Variants in RLIM observed in about 807,000 individuals in gnomAD.
RLIM encodes the protein ring finger protein, LIM domain interacting, also known as E3 ubiquitin-protein ligase RLIM.
Under a neutral mutation model 34.0 loss-of-function variants are expected in RLIM, and 2 were observed. That is an observed-to-expected ratio of 0.06 (90% CI 0.02 to 0.19). The LOEUF (loss-of-function observed/expected upper bound fraction) is 0.19. Among genes scored for constraint, RLIM ranks in the 10% least tolerant of loss-of-function variants. The probability of loss-of-function intolerance (pLI) is 1.00; values close to 1 mark genes in which losing one functional copy is unlikely to be tolerated. For missense variants in RLIM, 286 were observed against 479.7 expected, an observed-to-expected ratio of 0.60 and a Z score of 3.77; for synonymous variants, 169 against 164.0, an observed-to-expected ratio of 1.03 and a Z score of -0.23.
rs1184787853 is a variant in RLIM, at chrX:74,588,287, C to A, written c.*3153G>T. 2.7e-5 allele frequency: 3 copies of A among 110,919 alleles called. No individual in the cohort carries two copies. Among genetic ancestry groups the A allele is most frequent in the Non-Finnish European group, 5.7e-5 (3 of 53,012 alleles). The allele number at this position is 110,919 out of a possible 1,213,427, so 9.1% of individuals were successfully genotyped here. A position where few individuals can be genotyped will look rare whatever the true frequency, so the allele number is the denominator to read the frequency against. On this transcript the variant is annotated 3_prime_UTR_variant, in exon 4 of 4. Coordinates refer to ENST00000332687, the MANE Select transcript of RLIM (RefSeq NM_016120.4). The stretch of plus-strand genomic sequence containing the variant: ...GAGTTCAAGACCAGCCTGGCCAACA[C>A]GGTGAAGTCCCCATCTCTACTAAAA...
chrX:74,613,864 G>A (rs1176971357), intron 1 of RLIM, among the ~76,000 whole-genome samples: 1 of 110,124 alleles, frequency 9.1e-6, no homozygotes, highest in Non-Finnish European at 1.9e-5. Context: ...GATCCTCAGG[G>A]AAGATGTCAT....
In RLIM at chrX:74,583,068, T is replaced by C. The variant is rs1931248597; in HGVS notation, c.*8372A>G. 1 of 1,029,617 alleles carries C rather than the reference T, an allele frequency of 9.7e-7. No individual in the cohort carries two copies. The highest frequency in any genetic ancestry group is 1.8e-5 in the African/African-American group (1 of 54,552). The allele number at this position is 1,029,617 out of a possible 1,213,427, so 84.9% of individuals were successfully genotyped here. The stretch of plus-strand genomic sequence containing the variant: ...TTCTTTGGTGAAGCACAAGTTTCTT[T>C]TCGTGGTCCCTGATCAATTTTAAAC... On this transcript the variant is annotated 3_prime_UTR_variant, in exon 4 of 4. Coordinates refer to ENST00000332687, the MANE Select transcript of RLIM (RefSeq NM_016120.4).
rs964776906 is a variant in RLIM, at chrX:74,586,450, T to A, written c.*4990A>T. On this transcript the variant is annotated 3_prime_UTR_variant, in exon 4 of 4. Coordinates refer to ENST00000332687, the MANE Select transcript of RLIM (RefSeq NM_016120.4). The stretch of plus-strand genomic sequence containing the variant: ...CATAAAGCAGCTCGTGGAACTTTAA[T>A]AAACAAATCCTAATAAAAATAAATA... 1 of 112,348 alleles carries A rather than the reference T, an allele frequency of 8.9e-6. No individual in the cohort carries two copies. Among genetic ancestry groups the A allele is most frequent in the African/African-American group, 3.2e-5 (1 of 30,908 alleles). The allele number at this position is 112,348 out of a possible 1,213,427, so 9.3% of individuals were successfully genotyped here.
At chrX:74,612,085 A>G (rs762389474) in intron 1 of RLIM, among the ~76,000 whole-genome samples, 2 of 111,899 alleles carry the variant, frequency 1.8e-5, no homozygotes, top group African/African-American at 6.5e-5. Context: ...TGATGATGAT[A>G]ATAATAATGA....
Position 74,585,012 on chromosome X carries a change from G to A in RLIM, c.*6428C>T, listed in dbSNP as rs759678190. Among the ~76,000 whole-genome samples the A allele has an allele frequency of 8.9e-6, 1 of 111,756 alleles. No homozygotes were observed. Among genetic ancestry groups the A allele is most frequent in the South Asian group, 3.7e-4 (1 of 2,702 alleles). On this transcript the variant is annotated 3_prime_UTR_variant, in exon 4 of 4. Coordinates refer to ENST00000332687, the MANE Select transcript of RLIM (RefSeq NM_016120.4). ...AATACACCAGGTGTCACAATGTGAC[G>A]ATTTACTTGAAACAAGGACATCTTA...
chrX:74,611,755 C>T (rs897786059), intron 1 of RLIM, among the ~76,000 whole-genome samples: 2 of 111,995 alleles, frequency 1.8e-5, no homozygotes, highest in Non-Finnish European at 3.8e-5. Context: ...TCAGACAGGC[C>T]TGGGATAAAA....
At chrX:74,593,206 A>G in intron 3 of RLIM, 145 bp from the exon 4 acceptor site, 1 of 584,352 alleles carries the variant, frequency 1.7e-6, no homozygotes, top group Non-Finnish European at 2.5e-6. Flanking sequence ...ACTATACTGC[A>G]TAAATTTATA....
chrX:74,609,327 A>C (rs1326589676), intron 1 of RLIM, among the ~76,000 whole-genome samples: 5 of 108,063 alleles, frequency 4.6e-5, no homozygotes, highest in South Asian at 4.1e-4. Context: ...CTCTACTAAA[A>C]ATAGAAAAAA....
rs1235398455 is a variant in RLIM at position 74,588,273 on chromosome X, C to T, written c.*3167G>A. 9.0e-6 allele frequency: 1 copy of T among 111,175 alleles called. No homozygotes were observed. Among genetic ancestry groups the T allele is most frequent in the African/African-American group, 3.3e-5 (1 of 30,523 alleles). 9.2% of individuals were successfully genotyped at this position (111,175 alleles called of 1,213,427 possible). A position where few individuals can be genotyped will look rare whatever the true frequency, so the allele number is the denominator to read the frequency against. ...TCACTTGAGGTCAGGAGTTCAAGAC[C>T]AGCCTGGCCAACACGGTGAAGTCCC... On this transcript the variant is annotated 3_prime_UTR_variant, in exon 4 of 4. Coordinates refer to ENST00000332687, the MANE Select transcript of RLIM (RefSeq NM_016120.4).
Position 74,587,678 on chromosome X carries a change from G to A in RLIM, c.*3762C>T, listed in dbSNP as rs1420604102. The A allele has an allele frequency of 9.0e-6, 1 of 111,632 alleles. No individual in the cohort carries two copies. The allele number at this position is 111,632 out of a possible 1,213,427, so 9.2% of individuals were successfully genotyped here. A position where few individuals can be genotyped will look rare whatever the true frequency, so the allele number is the denominator to read the frequency against. On this transcript the variant is annotated 3_prime_UTR_variant, in exon 4 of 4. Coordinates refer to ENST00000332687, the MANE Select transcript of RLIM (RefSeq NM_016120.4). ...CATTTGGGTATTTTGGGAACTGACC[G>A]AAAGTCATGGCTGATGCTTCACCCA... is the stretch of plus-strand genomic sequence containing the variant.
Position 74,591,926 on chromosome X carries a change from G to C in RLIM, c.1389C>G (p.Ser463=), listed in dbSNP as rs773922290. 3 of 1,199,510 alleles carry C rather than the reference G, an allele frequency of 2.5e-6. No individual in the cohort carries two copies. The highest frequency in any genetic ancestry group is 1.1e-6 in the Non-Finnish European group (1 of 889,084). ...TTGAACTGGAACTGGAACTCGAACT[G>C]GAACTGGAACTCGAACTGGAACCAG... is the stretch of plus-strand genomic sequence containing the variant. The part of the protein sequence containing the change: ...SSSGSSSSSS[S]SSSSSSSSSS... Residue 463 remains serine (S), a synonymous_variant, in exon 4 of 4, where the codon TCC becomes TCG. Transcript: ENST00000332687.
At chrX:74,600,346 A>C (rs909201850) in intron 1 of RLIM, among the ~76,000 whole-genome samples, 1 of 111,373 alleles carries the variant, frequency 9.0e-6, no homozygotes, top group East Asian at 2.8e-4. Flanking sequence ...GTTTTCCCAC[A>C]TGAATCTCAA....
chrX:74,594,408 G>A lies in RLIM; in HGVS notation c.170-19C>T, dbSNP rs749774348. Reference sequence around the variant, plus strand: ...CTTTCACCTGAAATTTAACACCACAGGGCAAAGATGACATTAGGGGTATGA... The same window carrying A: ...CTTTCACCTGAAATTTAACACCACAAGGCAAAGATGACATTAGGGGTATGA... On this transcript the variant is annotated intron_variant, in intron 2 of 3. Transcript: ENST00000332687. 13 of 1,104,269 alleles carry A rather than the reference G, an allele frequency of 1.2e-5. No homozygotes were observed. The highest frequency in any genetic ancestry group is 4.7e-5 in the Admixed American group (2 of 42,889). 91.0% of individuals were successfully genotyped at this position (1,104,269 alleles called of 1,213,427 possible). A position where few individuals can be genotyped will look rare whatever the true frequency, so the allele number is the denominator to read the frequency against.
intron 1 of RLIM, among the ~76,000 whole-genome samples, chrX:74,604,238 C>T (rs2079673514): frequency 9.0e-6 from 1 of 111,170 alleles, no homozygotes; most frequent in Non-Finnish European, 1.9e-5. Context: ...GCTAAATTTT[C>T]GACAGATAAA....
chrX:74,607,111 T>C (rs1363290844), intron 1 of RLIM, among the ~76,000 whole-genome samples: 1 of 102,699 alleles, frequency 9.7e-6, no homozygotes, highest in Non-Finnish European at 1.9e-5. Flanking sequence ...CACAGCAGTC[T>C]AGTCTGGGTG....
chrX:74,609,494 A>AAAAAC (rs1569313824), intron 1 of RLIM, among the ~76,000 whole-genome samples: 4 of 87,244 alleles, frequency 4.6e-5, no homozygotes, highest in African/African-American at 1.7e-4. Context: ...TTTCAAAAAA[A>AAAAAC]AAAAAAAAAA....
At chrX:74,605,223 G>T (rs986772997) in intron 1 of RLIM, among the ~76,000 whole-genome samples, 1 of 112,032 alleles carries the variant, frequency 8.9e-6, no homozygotes, top group African/African-American at 3.2e-5. Context: ...CAATGAGCCT[G>T]GTCTTATTTT....
At chrX:74,596,574 C>T (rs2079641130) in intron 1 of RLIM, among the ~76,000 whole-genome samples, 1 of 112,130 alleles carries the variant, frequency 8.9e-6, no homozygotes, top group Non-Finnish European at 1.9e-5. Context: ...ATTCTCCTTG[C>T]AACCTAAGAA....
intron 1 of RLIM, among the ~76,000 whole-genome samples, chrX:74,610,720 T>A (rs759741711): frequency 9.2e-6 from 1 of 108,812 alleles, no homozygotes; most frequent in African/African-American, 3.4e-5. Flanking sequence ...TGAAACCCCA[T>A]CTTTACTAAA....
Sources: gnomAD v4.1 joint callset for allele counts (sites outside exome capture counted in the v4.1 genomes callset) on GRCh38, gnomAD v4.1.1 for gene constraint, MANE v1.5 for transcripts, NCBI Gene and HGNC (gene_info 2026-07-23, HGNC 2026-07-21) for gene names.